RBFOX1: variants seen among roughly 807,000 people sequenced by gnomAD.
The protein encoded by RBFOX1 is RNA binding fox-1 homolog 1.
A neutral mutation model predicts 57.7 loss-of-function variants in RBFOX1; 8 were observed. The observed-to-expected ratio is 0.14, with a 90% confidence interval of 0.08 to 0.25. The LOEUF is 0.25. RBFOX1 is among the 10% of genes least tolerant of loss of function. The pLI, the probability that RBFOX1 is intolerant of heterozygous loss-of-function variation, is 1.00. For synonymous variants in RBFOX1, 326 were observed against 222.4 expected, an observed-to-expected ratio of 1.47 and a Z score of -4.15; for missense variants, 611 against 548.5, an observed-to-expected ratio of 1.11 and a Z score of -1.14.
intron 3 of RBFOX1, among the ~76,000 whole-genome samples, chr16:5,731,444 G>C (rs1233036397): frequency 6.6e-6 from 1 of 152,168 alleles, no homozygotes; most frequent in Non-Finnish European, 1.5e-5. Flanking sequence ...CACAACCTTA[G>C]AAGGTGGGTA....
chr16:6,107,484 C>T (rs1000131978), intron 1 of RBFOX1, among the ~76,000 whole-genome samples: 41 of 152,038 alleles, frequency 2.7e-4, no homozygotes, highest in Admixed American at 2.4e-3. Flanking sequence ...AATTTGTCCC[C>T]TACTGTAGTG....
chr16:7,486,636 A>T (rs754856917), intron 4 of RBFOX1, among the ~76,000 whole-genome samples: 2 of 152,116 alleles, frequency 1.3e-5, no homozygotes, highest in African/African-American at 4.8e-5. Context: ...TGACGAGCTC[A>T]TTTAATGGCA....
intron 3 of RBFOX1, among the ~76,000 whole-genome samples, chr16:5,762,790 A>G (rs2053634738): frequency 6.6e-6 from 1 of 152,212 alleles, no homozygotes; most frequent in Admixed American, 6.5e-5. Flanking sequence ...TCTGTCATTT[A>G]CATAGGTCTG....
At chr16:7,642,989 A>G (rs1158054594) in intron 11 of RBFOX1, among the ~76,000 whole-genome samples, 2 of 152,234 alleles carry the variant, frequency 1.3e-5, no homozygotes, top group Non-Finnish European at 2.9e-5. Flanking sequence ...TCTTCTGCAT[A>G]GTAAAAACAT....
chr16:7,431,621 T>C (rs1490351879), intron 4 of RBFOX1, among the ~76,000 whole-genome samples: 1 of 152,242 alleles, frequency 6.6e-6, no homozygotes, highest in Non-Finnish European at 1.5e-5. Flanking sequence ...TGATATTTAA[T>C]GCAACCGCCA....
At chr16:7,143,268 G>A (rs1171656383) in intron 4 of RBFOX1, among the ~76,000 whole-genome samples, 2 of 151,932 alleles carry the variant, frequency 1.3e-5, no homozygotes, top group Non-Finnish European at 2.9e-5. Context: ...GAAGAGAGAG[G>A]AGAAATGACA....
chr16:6,661,699 C>A (rs145672834), intron 3 of RBFOX1, among the ~76,000 whole-genome samples: 1 of 152,170 alleles, frequency 6.6e-6, no homozygotes, highest in Non-Finnish European at 1.5e-5. Context: ...TCGAGCAAGA[C>A]GAAGTCAGCC....
At chr16:6,716,268 C>A (rs1272063994) in intron 3 of RBFOX1, among the ~76,000 whole-genome samples, 1 of 152,104 alleles carries the variant, frequency 6.6e-6, no homozygotes, top group Non-Finnish European at 1.5e-5. Flanking sequence ...GATTACTTAC[C>A]ACAAAGCCAT....
At chr16:7,106,360 T>C (rs140771951) in intron 4 of RBFOX1, among the ~76,000 whole-genome samples, 53 of 152,288 alleles carry the variant, frequency 3.5e-4, no homozygotes, top group African/African-American at 1.2e-3. Flanking sequence ...TAGTTGAGAA[T>C]TGGCAAATGG....
Position 6,854,160 on chromosome 16 carries a change from C to T in RBFOX1, c.-15-197897C>T, listed in dbSNP as rs138332284. On this transcript the variant is annotated intron_variant, in intron 3 of 15. Coordinates refer to ENST00000550418, the MANE Select transcript of RBFOX1 (RefSeq NM_018723.4). ...AGCAACTCAAAATATGAGTGTCTGA[C>T]GTTTATTAGTTTCAATAACGGTTTC... is the stretch of plus-strand genomic sequence containing the variant. Among the ~76,000 whole-genome samples, 22 of 152,198 alleles carry T rather than the reference C, an allele frequency of 1.4e-4. No homozygotes were observed. The East Asian group carries it at 3.5e-3, about 24-fold the overall frequency.
At chr16:5,533,861 A>G (rs544604707) in intron 2 of RBFOX1, among the ~76,000 whole-genome samples, 1 of 152,222 alleles carries the variant, frequency 6.6e-6, no homozygotes, top group East Asian at 1.9e-4. Context: ...CCTTCTCCCA[A>G]AGAGAGGTGG....
chr16:6,391,874 G>A (rs953898250), intron 2 of RBFOX1, among the ~76,000 whole-genome samples: 14 of 152,214 alleles, frequency 9.2e-5, no homozygotes, highest in African/African-American at 3.4e-4. Context: ...ACTCATTACA[G>A]TGTGCTCTAA....
At chr16:5,974,165 A>T (rs2060016038) in intron 4 of RBFOX1, among the ~76,000 whole-genome samples, 1 of 152,196 alleles carries the variant, frequency 6.6e-6, no homozygotes, top group Admixed American at 6.5e-5. Context: ...TCTACCTCGG[A>T]TGCACAGCAG....
chr16:6,898,557 T>C (rs1279065571), intron 3 of RBFOX1, among the ~76,000 whole-genome samples: 1 of 152,200 alleles, frequency 6.6e-6, no homozygotes, highest in African/African-American at 2.4e-5. Context: ...TGGATTCTGC[T>C]GTGTTACACG....
intron 3 of RBFOX1, among the ~76,000 whole-genome samples, chr16:7,011,703 T>G (rs1327159301): frequency 6.6e-6 from 1 of 152,072 alleles, no homozygotes; most frequent in African/African-American, 2.4e-5. Flanking sequence ...TTAGTAGAGA[T>G]GGGAGTTTCA....
chr16:7,375,763 C>G (rs1257333130), intron 4 of RBFOX1, among the ~76,000 whole-genome samples: 1 of 152,094 alleles, frequency 6.6e-6, no homozygotes, highest in Non-Finnish European at 1.5e-5. Context: ...TTCTGGGTTC[C>G]TTTCCTACTC....
rs1172138133 is a variant in RBFOX1, at chr16:6,637,205, TA to T, written c.-63-17397del. On this transcript the variant is annotated intron_variant, in intron 2 of 15. Coordinates refer to ENST00000550418, the MANE Select transcript of RBFOX1 (RefSeq NM_018723.4). ...ATAATATACAATATATATTATATATTATATATATTATATAATATACAATATA... is the reference window on the plus strand; with the variant it reads ...ATAATATACAATATATATTATATATTTATATATTATATAATATACAATATA... 6.8e-5 allele frequency among the ~76,000 whole-genome samples: 5 copies of T among 73,402 alleles called. 1 individual carries two copies. The highest frequency in any genetic ancestry group is 3.0e-4 in the African/African-American group (5 of 16,544). 48.2% of individuals were successfully genotyped at this position (73,402 alleles called of 152,430 possible).
chr16:6,486,815 A>T (rs1398791442), intron 2 of RBFOX1, among the ~76,000 whole-genome samples: 1 of 152,002 alleles, frequency 6.6e-6, no homozygotes, highest in Non-Finnish European at 1.5e-5. Flanking sequence ...TGTGTGTATT[A>T]TGAGCAGTAG....
At chr16:7,025,580 A>G (rs1273861908) in intron 3 of RBFOX1, among the ~76,000 whole-genome samples, 1 of 152,076 alleles carries the variant, frequency 6.6e-6, no homozygotes, top group Non-Finnish European at 1.5e-5. Context: ...TGCAGTGTGC[A>G]TTTGCATGCT....
Sources: gnomAD v4.1 joint callset for allele counts (sites outside exome capture counted in the v4.1 genomes callset) on GRCh38, gnomAD v4.1.1 for gene constraint, MANE v1.5 for transcripts, NCBI Gene and HGNC (gene_info 2026-07-23, HGNC 2026-07-21) for gene names.